Variants in PEX3 observed in about 807,000 individuals in gnomAD.
PEX3 encodes the protein peroxisomal biogenesis factor 3.
PEX3 carries 30 observed loss-of-function variants against 55.8 expected under a neutral mutation model. That is an observed-to-expected ratio of 0.54 (90% CI 0.40 to 0.73). The LOEUF (loss-of-function observed/expected upper bound fraction) is 0.73. Ranked by LOEUF, PEX3 falls within the 30% of genes least tolerant of loss-of-function variation. The pLI, the probability that PEX3 is intolerant of heterozygous loss-of-function variation, is 0.00. For synonymous variants in PEX3, 135 were observed against 148.4 expected (o/e 0.91, Z 0.66); for missense variants, 351 against 432.8 (o/e 0.81, Z 1.68).
chr6:143,457,237 C>T (rs769455816), intron 1 of PEX3, among the ~76,000 whole-genome samples: 14 of 152,116 alleles, frequency 9.2e-5, no homozygotes, highest in Non-Finnish European at 2.1e-4. Flanking sequence ...CATAGAGTAA[C>T]TTTGTGAAAT....
rs1168473399 is a variant in PEX3 at position 143,459,086 on chromosome 6, A to T, written c.75A>T (p.Gly25=). 2.5e-6 allele frequency: 4 copies of T among 1,579,540 alleles called. No homozygotes were observed. The highest frequency in any genetic ancestry group is 1.1e-5 in the South Asian group (1 of 90,350). ...KCIFLGTVLG[G]VYILGKYGQK... ...ATAGTACTTTTTTAATGATTGTAGG[A>T]GTATATATTCTGGGGAAATATGGAC... Residue 25 remains glycine (G), a splice_region_variant and synonymous_variant, in exon 2 of 12, where the codon GGA becomes GGT. Coordinates refer to ENST00000367591, the MANE Select transcript of PEX3 (RefSeq NM_003630.3). The surrounding 1 kb of genome is among the most constrained non-coding windows in gnomAD (Gnocchi z 4.2).
In PEX3 at chr6:143,485,035, C is replaced by T; in HGVS notation, c.942-117C>T. 9.7e-5 allele frequency: 69 copies of T among 712,530 alleles called. No individual in the cohort carries two copies. Among genetic ancestry groups the T allele is most frequent in the Non-Finnish European group, 1.1e-4 (44 of 398,162 alleles). 44.1% of individuals were successfully genotyped at this position (712,530 alleles called of 1,614,324 possible). A position where few individuals can be genotyped will look rare whatever the true frequency, so the allele number is the denominator to read the frequency against. On this transcript the variant is annotated intron_variant, in intron 10 of 11. Transcript: ENST00000367591. The surrounding 1 kb of genome is among the most constrained non-coding windows in gnomAD (Gnocchi z 5.6). ...CGATAGAATTGTGGGGTTTTTTTTC[C>T]TTTTTAATAGATTTCCAAAAATATT...
Position 143,459,812 on chromosome 6 carries a change from G to A in PEX3, c.205+596G>A, listed in dbSNP as rs1457444521. On this transcript the variant is annotated intron_variant, in intron 2 of 11. Transcript: ENST00000367591. The surrounding 1 kb of genome is among the most constrained non-coding windows in gnomAD (Gnocchi z 4.2). ...GATCCCATCGGGCCTGTGGGCCATA[G>A]GAAAGAGTCATTAAGTTTATTAAAT... 1.3e-5 allele frequency among the ~76,000 whole-genome samples: 2 copies of A among 152,230 alleles called. No individual in the cohort carries two copies. The highest frequency in any genetic ancestry group is 2.9e-5 in the Non-Finnish European group (2 of 68,050).
chr6:143,463,105 TTATA>T lies in PEX3; in HGVS notation c.287+111_287+114del. On this transcript the variant is annotated intron_variant, in intron 3 of 11. Transcript: ENST00000367591. The surrounding 1 kb of genome is among the most constrained non-coding windows in gnomAD (Gnocchi z 5.7). ...TGTTATTTTTCTATCTAATGAAAGT[TTATA>T]TAGGCTCAGTAAGAAAAATACTAAC... The T allele has an allele frequency of 1.3e-6, 1 of 782,950 alleles. No homozygotes were observed. Among genetic ancestry groups the T allele is most frequent in the Non-Finnish European group, 2.2e-6 (1 of 451,746 alleles). 48.5% of individuals were successfully genotyped at this position (782,950 alleles called of 1,614,324 possible). A position where few individuals can be genotyped will look rare whatever the true frequency, so the allele number is the denominator to read the frequency against.
Position 143,462,959 on chromosome 6 carries a change from A to G in PEX3, c.249A>G (p.Gln83=), listed in dbSNP as rs139760270. 276 of 1,613,788 alleles carry G rather than the reference A, an allele frequency of 1.7e-4. No individual in the cohort carries two copies. The highest frequency in any genetic ancestry group is 2.2e-4 in the Non-Finnish European group (263 of 1,179,848). ...LPTLREALMQ[Q]LNSESLTALL... ...CACTGAGAGAGGCCTTAATGCAGCA[A>G]CTGAATTCCGAGAGCCTCACAGCTC... The change falls in exon 3 of 12, where the codon CAA becomes CAG. Residue 83 remains glutamine (Q), a synonymous_variant. Coordinates refer to ENST00000367591, the MANE Select transcript of PEX3 (RefSeq NM_003630.3). The surrounding 1 kb of genome is among the most constrained non-coding windows in gnomAD (Gnocchi z 4.1).
chr6:143,470,269 T>C (rs1417783702), intron 4 of PEX3, among the ~76,000 whole-genome samples: 1 of 152,154 alleles, frequency 6.6e-6, no homozygotes, highest in Non-Finnish European at 1.5e-5. Flanking sequence ...ATAATCCTTA[T>C]GACCAAGATT....
chr6:143,468,806 C>CT (rs761458237), intron 4 of PEX3, among the ~76,000 whole-genome samples: 8 of 14,068 alleles, frequency 5.7e-4, no homozygotes, highest in Admixed American at 5.2e-4. Context: ...TGCTATCCCC[C>CT]CCCCCCCCAC....
In PEX3 at chr6:143,466,544, A is replaced by G. The variant is rs534858433; in HGVS notation, c.288-1578A>G. Among the ~76,000 whole-genome samples the G allele has an allele frequency of 2.6e-5, 4 of 152,210 alleles. No individual in the cohort carries two copies. Among genetic ancestry groups the G allele is most frequent in the African/African-American group, 9.6e-5 (4 of 41,552 alleles). On this transcript the variant is annotated intron_variant, in intron 3 of 11. Transcript: ENST00000367591. This position sits in a 1 kb window ranked among gnomAD's most constrained non-coding sequence, Gnocchi z 5.4. ...TTTTACACTGCCTAGTTTATAAATTAAACTTTAACATAGGTATATATGTAT... is the reference window on the plus strand; with the variant it reads ...TTTTACACTGCCTAGTTTATAAATTGAACTTTAACATAGGTATATATGTAT...
In PEX3 at chr6:143,475,915, T is replaced by G. The variant is rs533785743; in HGVS notation, c.818+1059T>G. ...TTATTCATCAACTATGTATTGGCTG[T>G]CTGTGGTATATTAGGTACTGTTCTA... On this transcript the variant is annotated intron_variant, in intron 9 of 11. Coordinates refer to ENST00000367591, the MANE Select transcript of PEX3 (RefSeq NM_003630.3). The surrounding 1 kb of genome is among the most constrained non-coding windows in gnomAD (Gnocchi z 4.4). 2.6e-5 allele frequency among the ~76,000 whole-genome samples: 4 copies of G among 152,384 alleles called. No homozygotes were observed. Among genetic ancestry groups the G allele is most frequent in the African/African-American group, 9.6e-5 (4 of 41,598 alleles).
At position 143,490,559 on chromosome 6, in the gene PEX3, G is replaced by C; in HGVS notation, c.*1333G>C. Reference sequence around the variant, plus strand: ...ATGCTAATCTTGGCAAATCTGCCAAGCATGTCTTCACCAAGGGATATGGAT... The same window carrying C: ...ATGCTAATCTTGGCAAATCTGCCAACCATGTCTTCACCAAGGGATATGGAT... On this transcript the variant is annotated 3_prime_UTR_variant, in exon 12 of 12. Coordinates refer to ENST00000367591, the MANE Select transcript of PEX3 (RefSeq NM_003630.3). The surrounding 1 kb of genome is among the most constrained non-coding windows in gnomAD (Gnocchi z 6.0). 1 of 544,270 alleles carries C rather than the reference G, an allele frequency of 1.8e-6. No homozygotes were observed. The highest frequency in any genetic ancestry group is 3.4e-5 in the Admixed American group (1 of 29,168). The allele number at this position is 544,270 out of a possible 1,614,324, so 33.7% of individuals were successfully genotyped here.
chr6:143,450,895 C>T lies in PEX3; in HGVS notation c.-148C>T. On this transcript the variant is annotated 5_prime_UTR_variant, in exon 1 of 12. Transcript: ENST00000367591. ...CCCCTTGCCGCTCCGGTGACAGTCT[C>T]TGCGGAAAGTCACGTTTGTGATTTC... The T allele has an allele frequency of 8.6e-6, 7 of 817,666 alleles. No homozygotes were observed. The highest frequency in any genetic ancestry group is 8.0e-5 in the South Asian group (6 of 74,562). 50.7% of individuals were successfully genotyped at this position (817,666 alleles called of 1,614,324 possible).
rs886061136 is a variant in PEX3, at chr6:143,489,903, C to T, written c.*677C>T. The stretch of plus-strand genomic sequence containing the variant: ...TAAAATTGTGTTGATGCTGTTTACT[C>T]ACCTAATTACATAGTTTTAATCATT... On this transcript the variant is annotated 3_prime_UTR_variant, in exon 12 of 12. Transcript: ENST00000367591. This position sits in a 1 kb window ranked among gnomAD's most constrained non-coding sequence, Gnocchi z 5.5. 46 of 152,230 alleles carry T rather than the reference C, an allele frequency of 3.0e-4. 2 individuals are homozygous for T. The highest frequency in any genetic ancestry group is 7.7e-4 in the African/African-American group (32 of 41,542). The allele number at this position is 152,230 out of a possible 1,614,324, so 9.4% of individuals were successfully genotyped here.
chr6:143,472,152 G>GTTTCTAGTGTT lies in PEX3; in HGVS notation c.579-6_583dup. On this transcript the variant is annotated splice_region_variant and splice_polypyrimidine_tract_variant and intron_variant, in intron 7 of 11. Coordinates refer to ENST00000367591, the MANE Select transcript of PEX3 (RefSeq NM_003630.3). ...TATTTATCCCAATTCCCTTTTCTCT[G>GTTTCTAGTGTT]TTTCTAGTGTTTCTCTTAAACATTC... 6.3e-7 allele frequency: 1 copy of GTTTCTAGTGTT among 1,584,446 alleles called. No individual in the cohort carries two copies. Among genetic ancestry groups the GTTTCTAGTGTT allele is most frequent in the Non-Finnish European group, 8.7e-7 (1 of 1,153,642 alleles).
rs1779984302 is a variant in PEX3 at position 143,465,858 on chromosome 6, T to A, written c.288-2264T>A. 6.6e-6 allele frequency among the ~76,000 whole-genome samples: 1 copy of A among 152,100 alleles called. No homozygotes were observed. The highest frequency in any genetic ancestry group is 2.4e-5 in the African/African-American group (1 of 41,464). On this transcript the variant is annotated intron_variant, in intron 3 of 11. Transcript: ENST00000367591. This position sits in a 1 kb window ranked among gnomAD's most constrained non-coding sequence, Gnocchi z 4.7. The stretch of plus-strand genomic sequence containing the variant: ...AAAGACAAGAAGCTAGTAGTATCTT[T>A]AAAATTGTAATAGTAACTCAATTTC...
At position 143,479,607 on chromosome 6, in the gene PEX3, T is replaced by A. The variant is rs1406196740; in HGVS notation, c.941+409T>A. ...GTTCCTTATAATACCCGGGCATTGT[T>A]GGTATAGATTCTCATTTGATGAATT... On this transcript the variant is annotated intron_variant, in intron 10 of 11. Coordinates refer to ENST00000367591, the MANE Select transcript of PEX3 (RefSeq NM_003630.3). The surrounding 1 kb of genome is among the most constrained non-coding windows in gnomAD (Gnocchi z 4.6). Among the ~76,000 whole-genome samples the A allele has an allele frequency of 6.6e-6, 1 of 152,084 alleles. No homozygotes were observed. The highest frequency in any genetic ancestry group is 6.5e-5 in the Admixed American group (1 of 15,268).
intron 4 of PEX3, among the ~76,000 whole-genome samples, chr6:143,470,301 TCACTCCCTCAC>T (rs1780055303): frequency 1.3e-5 from 2 of 152,138 alleles, no homozygotes; most frequent in Admixed American, 1.3e-4. Context: ...TTTCTTCTCT[TCACTCCCTCAC>T]GCTTTGATGT....
rs754690874 is a variant in PEX3, at chr6:143,459,474, A to G, written c.205+258A>G. Among the ~76,000 whole-genome samples, 10 of 152,240 alleles carry G rather than the reference A, an allele frequency of 6.6e-5. No individual in the cohort carries two copies. Among genetic ancestry groups the G allele is most frequent in the Non-Finnish European group, 1.2e-4 (8 of 68,042 alleles). On this transcript the variant is annotated intron_variant, in intron 2 of 11. Transcript: ENST00000367591. This position sits in a 1 kb window ranked among gnomAD's most constrained non-coding sequence, Gnocchi z 4.2. ...GAACAACAACAACAAAAAGCCCCTG[A>G]CCTTTGGAGTTTATATTCTAGGGAG...
Position 143,465,718 on chromosome 6 carries a change from CTAGAT to C in PEX3, c.288-2396_288-2392del, listed in dbSNP as rs1046943190. 3.9e-5 allele frequency among the ~76,000 whole-genome samples: 6 copies of C among 151,970 alleles called. No individual in the cohort carries two copies. Among genetic ancestry groups the C allele is most frequent in the Non-Finnish European group, 8.8e-5 (6 of 67,898 alleles). ...GACATTCTGCCGTGAGTCTTGAACACTAGATTAGATTAAGGTTGCAGCAGTGTCTT... is the reference window on the plus strand; with the variant it reads ...GACATTCTGCCGTGAGTCTTGAACACTAGATTAAGGTTGCAGCAGTGTCTT... On this transcript the variant is annotated intron_variant, in intron 3 of 11. Transcript: ENST00000367591. The surrounding 1 kb of genome is among the most constrained non-coding windows in gnomAD (Gnocchi z 4.7).
At chr6:143,452,820 A>G (rs900317459) in intron 1 of PEX3, among the ~76,000 whole-genome samples, 1 of 152,240 alleles carries the variant, frequency 6.6e-6, no homozygotes, top group Admixed American at 6.5e-5. Context: ...AGAAATACCT[A>G]TCAAGTGCCT....
Sources: gnomAD v4.1 joint callset for allele counts (sites outside exome capture counted in the v4.1 genomes callset) on GRCh38, gnomAD v4.1.1 for gene constraint, Gnocchi (gnomAD v3.1) non-coding constraint, MANE v1.5 for transcripts, NCBI Gene and HGNC (gene_info 2026-07-23, HGNC 2026-07-21) for gene names.